Variants in AXIN2 observed in about 807,000 individuals in gnomAD.
AXIN2 encodes axin-2.
Under a neutral mutation model 74.7 loss-of-function variants are expected in AXIN2, and 21 were observed. That is an observed-to-expected ratio of 0.28 (90% confidence interval 0.20 to 0.40). The LOEUF is 0.40. AXIN2 is among the 10% of genes least tolerant of loss of function. The pLI, the probability that AXIN2 is intolerant of heterozygous loss-of-function variation, is 1.00. For missense variants in AXIN2, 1,144 were observed against 1,111.1 expected, an observed-to-expected ratio of 1.03 and a Z score of -0.42; for synonymous variants, 532 against 454.9, an observed-to-expected ratio of 1.17 and a Z score of -2.16.
intron 4 of AXIN2, among the ~76,000 whole-genome samples, chr17:65,540,362 A>G (rs1453307463): frequency 1.3e-5 from 2 of 152,158 alleles, no homozygotes; most frequent in African/African-American, 4.8e-5. Context: ...AGAATAGATA[A>G]AACTCCCTCC....
chr17:65,532,055 A>G (rs1221964480), intron 10 of AXIN2, among the ~76,000 whole-genome samples: 1 of 152,206 alleles, frequency 6.6e-6, no homozygotes, highest in African/African-American at 2.4e-5. Context: ...AGTCTAGCTC[A>G]GGCCCTGCAG....
At position 65,537,423 on chromosome 17, in the gene AXIN2, C is replaced by T. The variant is rs1064793764; in HGVS notation, c.1613G>A (p.Arg538Gln). The T allele has an allele frequency of 6.2e-6, 10 of 1,614,032 alleles. No homozygotes were observed. The highest frequency in any genetic ancestry group is 1.1e-5 in the South Asian group (1 of 91,078). Reference protein sequence around the residue: ...KEEIEAEATQRVHCFCPGGSE... With the variant: ...KEEIEAEATQQVHCFCPGGSE... Reference sequence around the variant, plus strand: ...GCCCCCAGGGCAGAAGCAGTGCACCCGCTGCGTGGCCTCCGCCTCGATCTC... The same window carrying T: ...GCCCCCAGGGCAGAAGCAGTGCACCTGCTGCGTGGCCTCCGCCTCGATCTC... The change falls in exon 6 of 11, where the codon CGG becomes CAG. Residue 538 changes from arginine to glutamine, a missense_variant. This residue lies in a region of AXIN2 where 1,053 missense variants were observed against 973.5 expected (regional missense o/e 1.08). Coordinates refer to ENST00000307078, the MANE Select transcript of AXIN2 (RefSeq NM_004655.4).
In AXIN2 at chr17:65,553,854, G is replaced by C. The variant is rs912340006; in HGVS notation, c.815+3952C>G. Among the ~76,000 whole-genome samples, 28 of 149,272 alleles carry C rather than the reference G, an allele frequency of 1.9e-4. 1 individual carries two copies. Among genetic ancestry groups the C allele is most frequent in the Admixed American group, 1.1e-3 (16 of 14,980 alleles). Reference sequence around the variant, plus strand: ...ATTACTTAAAAAAAAAGGCGGGGGGGGGGGGAGGAAACTCAAACCACGCTA... The same window carrying C: ...ATTACTTAAAAAAAAAGGCGGGGGGCGGGGGAGGAAACTCAAACCACGCTA... On this transcript the variant is annotated intron_variant, in intron 2 of 10. Transcript: ENST00000307078.
At chr17:65,531,571 G>C (rs891516417) in intron 10 of AXIN2, among the ~76,000 whole-genome samples, 6 of 151,984 alleles carry the variant, frequency 3.9e-5, no homozygotes, top group Non-Finnish European at 8.8e-5. Context: ...CCCCAGCTCC[G>C]ACCCCTCCAG....
chr17:65,549,369 C>A (rs1237077860), intron 3 of AXIN2, 151 bp downstream of exon 3: 5 of 942,666 alleles, frequency 5.3e-6, no homozygotes, highest in African/African-American at 1.6e-5. Flanking sequence ...AGCACCATAC[C>A]CTTGTCATAC....
Sources: gnomAD v4.1 joint callset for allele counts (sites outside exome capture counted in the v4.1 genomes callset) on GRCh38, gnomAD v4.1.1 for gene constraint, gnomAD v4.1.1 regional missense constraint, MANE v1.5 for transcripts, NCBI Gene and HGNC (gene_info 2026-07-23, HGNC 2026-07-21) for gene names.